ABCC5: variants seen among roughly 807,000 people sequenced by gnomAD.
ABCC5 encodes the protein ATP binding cassette subfamily C member 5, also known as ATP-binding cassette sub-family C member 5.
In ABCC5, 61 loss-of-function variants were observed where a neutral mutation model predicts 160.9. That is an observed-to-expected ratio of 0.38 (90% CI 0.31 to 0.47). The LOEUF is 0.47. Ranked by LOEUF, ABCC5 falls within the 20% of genes least tolerant of loss-of-function variation. The probability of loss-of-function intolerance (pLI) is 0.99; values close to 1 mark genes in which losing one functional copy is unlikely to be tolerated. For missense variants in ABCC5, 1,308 were observed against 1,813.3 expected (o/e 0.72, Z 5.06); for synonymous variants, 666 against 700.6 (o/e 0.95, Z 0.78).
intron 2 of ABCC5, among the ~76,000 whole-genome samples, chr3:184,003,551 A>G (rs1720927000): frequency 6.6e-6 from 1 of 152,258 alleles, no homozygotes; most frequent in Non-Finnish European, 1.5e-5. Context: ...GGAAGCTGCT[A>G]AACTCAGTCC....
In ABCC5 at chr3:183,951,608, C is replaced by A. The variant is rs4148586; in HGVS notation, c.2815-38G>T. The A allele has an allele frequency of 1.2e-4, 190 of 1,606,876 alleles. No homozygotes were observed. The highest frequency in any genetic ancestry group is 1.5e-4 in the Non-Finnish European group (179 of 1,176,740). ...GCACAGAGTGGTCAGGGCCCAGGGA[C>A]GGCTCTGTTCCTACTGGTCCAGAGA... is the stretch of plus-strand genomic sequence containing the variant. On this transcript the variant is annotated intron_variant, in intron 19 of 29. Transcript: ENST00000334444. This position sits in a 1 kb window ranked among gnomAD's most constrained non-coding sequence, Gnocchi z 4.7.
At chr3:183,969,156 T>C (rs1184467166) in intron 11 of ABCC5, among the ~76,000 whole-genome samples, 1 of 152,078 alleles carries the variant, frequency 6.6e-6, no homozygotes, top group Non-Finnish European at 1.5e-5. Flanking sequence ...TTGGCAAACA[T>C]TACCTCCCCT....
In ABCC5 at chr3:183,926,861, A is replaced by G. The variant is rs140785212; in HGVS notation, c.4047+469T>C. 5.0e-3 allele frequency among the ~76,000 whole-genome samples: 761 copies of G among 152,052 alleles called. 12 individuals are homozygous for G. Among genetic ancestry groups the G allele is most frequent in the African/African-American group, 0.017 (711 of 41,470 alleles). ...AGAGATCGAGACTATCCTGGCCAAC[A>G]TGGTGAAACCCCATCTCTACTAAAA... On this transcript the variant is annotated intron_variant, in intron 28 of 29. Coordinates refer to ENST00000334444, the MANE Select transcript of ABCC5 (RefSeq NM_005688.4).
chr3:183,964,893 C>G (rs961112773), intron 14 of ABCC5, among the ~76,000 whole-genome samples: 5 of 152,204 alleles, frequency 3.3e-5, no homozygotes, highest in Non-Finnish European at 7.3e-5. Context: ...AACATGCACA[C>G]GCTTACTTGT....
intron 10 of ABCC5, among the ~76,000 whole-genome samples, chr3:183,973,716 T>C (rs1318713407): frequency 7.2e-5 from 11 of 152,216 alleles, no homozygotes; most frequent in Non-Finnish European, 1.5e-4. Context: ...TAACCTTAGG[T>C]GTGGCCCCCG....
At chr3:183,922,078 TAAAA>T (rs1181511013) in intron 29 of ABCC5, among the ~76,000 whole-genome samples, 1 of 127,486 alleles carries the variant, frequency 7.8e-6, no homozygotes, top group African/African-American at 2.9e-5. Flanking sequence ...AATAAATAAA[TAAAA>T]AACAACAGGC....
At position 183,950,046 on chromosome 3, in the gene ABCC5, T is replaced by C; in HGVS notation, c.3024A>G (p.Ala1008=). The change falls in exon 21 of 30, where the codon GCA becomes GCG. Residue 1008 remains alanine (A), a synonymous_variant. Transcript: ENST00000334444. ...CCACAAGGAACCACGGGAAGACTCC[T>C]GCGATCATTCCCACACAGAAGAACA... is the stretch of plus-strand genomic sequence containing the variant. ...ILVFFCVGMI[A]GVFPWFLVAV... is the part of the protein sequence containing the mutation. 6.2e-7 allele frequency: 1 copy of C among 1,614,090 alleles called. No individual in the cohort carries two copies. The highest frequency in any genetic ancestry group is 8.5e-7 in the Non-Finnish European group (1 of 1,180,020).
At chr3:183,991,488 C>T (rs1351447656) in intron 2 of ABCC5, among the ~76,000 whole-genome samples, 1 of 152,110 alleles carries the variant, frequency 6.6e-6, no homozygotes, top group African/African-American at 2.4e-5. Context: ...CAGAACTGAA[C>T]GGGTAGAATT....
intron 15 of ABCC5, among the ~76,000 whole-genome samples, chr3:183,962,649 G>A (rs1311014097): frequency 4.0e-5 from 6 of 151,264 alleles, no homozygotes; most frequent in African/African-American, 1.2e-4. Flanking sequence ...CTCCTGCCTC[G>A]GCCTCCTGAG....
At position 183,982,954 on chromosome 3, in the gene ABCC5, C is replaced by A; in HGVS notation, c.645G>T (p.Leu215=). The A allele has an allele frequency of 6.2e-7, 1 of 1,614,232 alleles. No individual in the cohort carries two copies. Among genetic ancestry groups the A allele is most frequent in the Non-Finnish European group, 8.5e-7 (1 of 1,180,048 alleles). The change falls in exon 6 of 30, where the codon CTG becomes CTT. Residue 215 remains leucine (L), a synonymous_variant. Coordinates refer to ENST00000334444, the MANE Select transcript of ABCC5 (RefSeq NM_005688.4). The surrounding 1 kb of genome is among the most constrained non-coding windows in gnomAD (Gnocchi z 5.2). ...CCAGCACTAACAACAAGCTGTACTG[C>A]AGGTTAGACTCTGTTGCCTGGGTAT... ...LEYTQATESN[L]QYSLLLVLGL...
In ABCC5 at chr3:183,943,871, T is replaced by C. The variant is rs185944630; in HGVS notation, c.3505-955A>G. Among the ~76,000 whole-genome samples, 240 of 152,270 alleles carry C rather than the reference T, an allele frequency of 1.6e-3. 1 individual carries two copies. Among genetic ancestry groups the C allele is most frequent in the Non-Finnish European group, 2.8e-3 (191 of 68,022 alleles). The stretch of plus-strand genomic sequence containing the variant: ...TGCACATATGTACACACACGGGTCA[T>C]CTACACACCAGGACAGTGTGCAAAG... On this transcript the variant is annotated intron_variant, in intron 24 of 29. Transcript: ENST00000334444.
intron 5 of ABCC5, 82 bp from the exon 6 acceptor site, chr3:183,983,089 A>G: frequency 7.6e-7 from 1 of 1,320,086 alleles, no homozygotes. Context: ...AGTTAGAAAG[A>G]GTAGGCAGCT....
In ABCC5 at chr3:183,988,619, G is replaced by A. The variant is rs1053499654; in HGVS notation, c.396C>T (p.Asp132=). Residue 132 remains aspartate (D), a synonymous_variant, in exon 4 of 30, where the codon GAC becomes GAT. Transcript: ENST00000334444. This position sits in a 1 kb window ranked among gnomAD's most constrained non-coding sequence, Gnocchi z 4.4. ...ACTCGTGCTTGGACAGAGACCACAC[G>A]TCTTCCATTGAGAGCTCCCCCTTCT... The part of the protein sequence containing the change: ...AHKKGELSME[D]VWSLSKHESS... 40 of 1,614,112 alleles carry A rather than the reference G, an allele frequency of 2.5e-5. No homozygotes were observed. The highest frequency in any genetic ancestry group is 3.2e-5 in the Non-Finnish European group (38 of 1,180,048).
intron 5 of ABCC5, chr3:183,985,281 C>T: frequency 1.2e-6 from 2 of 1,600,160 alleles, no homozygotes; most frequent in Non-Finnish European, 1.7e-6. Context: ...GAAAGCATTC[C>T]CAGTGAATAA....
chr3:183,990,123 T>TTTTGAGATGGAGTCTCGCTC, intron 2 of ABCC5, among the ~76,000 whole-genome samples: 2 of 151,016 alleles, frequency 1.3e-5, no homozygotes, highest in South Asian at 4.2e-4. Flanking sequence ...TTTATTTTAT[T>TTTTGAGATGGAGTCTCGCTC]TTTGAGATGG....
At chr3:183,981,906 A>C in intron 7 of ABCC5, 32 bp from the exon 8 acceptor site, 1 of 1,575,814 alleles carries the variant, frequency 6.3e-7, no homozygotes, top group Non-Finnish European at 8.6e-7. Flanking sequence ...CGCCAAATTA[A>C]AGCTCATTCA....
At chr3:184,005,482 T>C (rs113601785) in intron 2 of ABCC5, among the ~76,000 whole-genome samples, 2 of 152,268 alleles carry the variant, frequency 1.3e-5, no homozygotes, top group African/African-American at 4.8e-5. Flanking sequence ...TTAGTGGACT[T>C]CAGTGCACCA....
At chr3:184,012,014 AACACACACACAC>A (rs3031485) in intron 2 of ABCC5, among the ~76,000 whole-genome samples, 24 of 145,488 alleles carry the variant, frequency 1.6e-4, no homozygotes, top group African/African-American at 4.8e-4. Flanking sequence ...CATAGAACAC[AACACACACACAC>A]ACACACACAC....
intron 26 of ABCC5, among the ~76,000 whole-genome samples, chr3:183,933,564 C>A (rs1713391598): frequency 6.6e-6 from 1 of 152,082 alleles, no homozygotes; most frequent in South Asian, 2.1e-4. Context: ...TTCTTGGAGG[C>A]AATCATGAGG....
Sources: gnomAD v4.1 joint callset for allele counts (sites outside exome capture counted in the v4.1 genomes callset) on GRCh38, gnomAD v4.1.1 for gene constraint, Gnocchi (gnomAD v3.1) non-coding constraint, MANE v1.5 for transcripts, NCBI Gene and HGNC (gene_info 2026-07-23, HGNC 2026-07-21) for gene names.